Variants in TC2N observed in about 807,000 individuals in gnomAD.
TC2N encodes tandem C2 domains nuclear protein.
In TC2N, 51 loss-of-function variants were observed where a neutral mutation model predicts 61.9. The ratio of observed to expected loss-of-function variants is 0.82; its 90% confidence interval spans 0.66 to 1.04. The LOEUF is 1.04. Among genes scored for constraint, TC2N ranks in the 50% least tolerant of loss-of-function variants. The pLI, the probability that TC2N is intolerant of heterozygous loss-of-function variation, is 0.00. For synonymous variants in TC2N, 204 were observed against 192.6 expected, an observed-to-expected ratio of 1.06 and a Z score of -0.49; for missense variants, 556 against 566.7, an observed-to-expected ratio of 0.98 and a Z score of 0.19.
At chr14:91,796,095 T>C (rs1885882642) in intron 8 of TC2N, among the ~76,000 whole-genome samples, 1 of 152,114 alleles carries the variant, frequency 6.6e-6, no homozygotes, top group South Asian at 2.1e-4. Context: ...TTTTCCTAAG[T>C]TAAATTAGCT....
At chr14:91,832,728 CAA>C (rs1887836732) in intron 1 of TC2N, among the ~76,000 whole-genome samples, 1 of 151,126 alleles carries the variant, frequency 6.6e-6, no homozygotes, top group Non-Finnish European at 1.5e-5. Flanking sequence ...ACCATGAACA[CAA>C]AGAGACATGA....
intron 1 of TC2N, among the ~76,000 whole-genome samples, chr14:91,819,267 C>T (rs1205728835): frequency 1.3e-5 from 2 of 151,956 alleles, no homozygotes; most frequent in African/African-American, 2.4e-5. Context: ...GAGGCAGAGG[C>T]TGCAATAAGC....
chr14:91,780,774 A>G lies in TC2N; in HGVS notation c.*2326T>C, dbSNP rs1346863160. ...ATCTCATTTTTTACTACCAGCTCCT[A>G]ACGTTTTTCTCACAATATGCATACC... is the stretch of plus-strand genomic sequence containing the variant. On this transcript the variant is annotated 3_prime_UTR_variant, in exon 12 of 12. Transcript: ENST00000435962. 6.6e-6 allele frequency: 1 copy of G among 152,164 alleles called. No homozygotes were observed. Among genetic ancestry groups the G allele is most frequent in the Non-Finnish European group, 1.5e-5 (1 of 68,010 alleles). 9.4% of individuals were successfully genotyped at this position (152,164 alleles called of 1,614,324 possible). A position where few individuals can be genotyped will look rare whatever the true frequency, so the allele number is the denominator to read the frequency against.
At chr14:91,862,677 C>G (rs1888616969) in intron 1 of TC2N, among the ~76,000 whole-genome samples, 1 of 152,206 alleles carries the variant, frequency 6.6e-6, no homozygotes, top group Non-Finnish European at 1.5e-5. Flanking sequence ...GCGGCCTGCC[C>G]CATCCCTGCA....
intron 1 of TC2N, among the ~76,000 whole-genome samples, chr14:91,845,083 C>G (rs1312497940): frequency 1.3e-5 from 2 of 151,644 alleles, no homozygotes; most frequent in African/African-American, 2.4e-5. Context: ...CAAAAATTAG[C>G]CGGGTGACGT....
chr14:91,812,630 T>A (rs1886835666), intron 2 of TC2N, 85 bp from the exon 3 acceptor site: 2 of 670,122 alleles, frequency 3.0e-6, no homozygotes, highest in Non-Finnish European at 5.0e-6. Flanking sequence ...GATATTTATT[T>A]AACCATTTTA....
At chr14:91,831,381 C>T (rs1017883015) in intron 1 of TC2N, among the ~76,000 whole-genome samples, 1 of 152,116 alleles carries the variant, frequency 6.6e-6, no homozygotes, top group Non-Finnish European at 1.5e-5. Flanking sequence ...TTAAATAACA[C>T]ATTTTATTAC....
At chr14:91,847,475 T>C (rs1013652295) in intron 1 of TC2N, among the ~76,000 whole-genome samples, 1 of 152,194 alleles carries the variant, frequency 6.6e-6, no homozygotes, top group African/African-American at 2.4e-5. Context: ...CATAGTTATC[T>C]TTGTGTGCTT....
intron 1 of TC2N, among the ~76,000 whole-genome samples, chr14:91,819,824 T>C (rs1887166801): frequency 6.6e-6 from 1 of 152,154 alleles, no homozygotes; most frequent in Non-Finnish European, 1.5e-5. Context: ...TGGTATCATA[T>C]CATTTGAGGA....
Position 91,798,329 on chromosome 14 carries a change from T to C in TC2N, c.708A>G (p.Ser236=), listed in dbSNP as rs1190147414. Residue 236 remains serine (S), a synonymous_variant, in exon 7 of 12, where the codon TCA becomes TCG. Transcript: ENST00000435962. The part of the protein sequence containing the change: ...RLNVKLFYNS[S]VEQIWITVLQ... ...AAACTGTGATCCAGATCTGTTCTAC[T>C]GAAGAATTATAAAACAATTTCACAT... is the stretch of plus-strand genomic sequence containing the variant. 4 of 1,590,108 alleles carry C rather than the reference T, an allele frequency of 2.5e-6. No homozygotes were observed. Among genetic ancestry groups the C allele is most frequent in the Admixed American group, 1.7e-5 (1 of 57,152 alleles).
chr14:91,831,768 T>C (rs1175706231), intron 1 of TC2N, among the ~76,000 whole-genome samples: 1 of 152,216 alleles, frequency 6.6e-6, no homozygotes, highest in Admixed American at 6.5e-5. Context: ...AGATTTTCTT[T>C]TTTAGAGTAG....
At chr14:91,788,036 C>T (rs915206506) in intron 9 of TC2N, among the ~76,000 whole-genome samples, 2 of 151,852 alleles carry the variant, frequency 1.3e-5, no homozygotes, top group Non-Finnish European at 2.9e-5. Flanking sequence ...ATATGAAAAT[C>T]ATCATTATTT....
At chr14:91,801,636 C>A (rs957774264) in intron 4 of TC2N, among the ~76,000 whole-genome samples, 1 of 152,222 alleles carries the variant, frequency 6.6e-6, no homozygotes, top group Non-Finnish European at 1.5e-5. Flanking sequence ...GATTGCACCA[C>A]TGCACTCCGG....
intron 6 of TC2N, 117 bp downstream of exon 6, chr14:91,798,872 A>G (rs1303031873): frequency 4.8e-6 from 3 of 629,556 alleles, no homozygotes; most frequent in African/African-American, 1.9e-5. Context: ...TTAATTTATT[A>G]TATCAACATA....
At chr14:91,845,425 A>C (rs1888252245) in intron 1 of TC2N, among the ~76,000 whole-genome samples, 1 of 152,184 alleles carries the variant, frequency 6.6e-6, no homozygotes, top group African/African-American at 2.4e-5. Context: ...TCTAAAGCTC[A>C]AGCTCCTTTT....
chr14:91,848,062 G>A (rs563753309), intron 1 of TC2N, among the ~76,000 whole-genome samples: 1 of 152,326 alleles, frequency 6.6e-6, no homozygotes, highest in East Asian at 1.9e-4. Context: ...AACTTTCCAA[G>A]AAGCCAGCAA....
At chr14:91,813,651 A>G (rs1211992716) in intron 2 of TC2N, 52 bp downstream of exon 2, 7 of 1,310,134 alleles carry the variant, frequency 5.3e-6, no homozygotes, top group African/African-American at 1.4e-5. Context: ...ACAAAATGCC[A>G]CAAATGAAGA....
intron 11 of TC2N, among the ~76,000 whole-genome samples, chr14:91,784,939 G>GA (rs2139818824): frequency 6.6e-6 from 1 of 152,060 alleles, no homozygotes; most frequent in East Asian, 1.9e-4. Flanking sequence ...AAAAAGCTCA[G>GA]AAAAAAACAT....
chr14:91,863,002 T>C (rs960566992), intron 1 of TC2N, among the ~76,000 whole-genome samples: 5 of 152,238 alleles, frequency 3.3e-5, no homozygotes, highest in Admixed American at 2.6e-4. Flanking sequence ...ATGATTTTAA[T>C]AGTGCCTTTG....
Sources: allele counts gnomAD v4.1 joint callset (sites outside exome capture counted in the v4.1 genomes callset), GRCh38; gene constraint gnomAD v4.1.1; transcripts MANE v1.5; gene names NCBI Gene and HGNC (gene_info 2026-07-23, HGNC 2026-07-21).